SMYD3: variants seen among roughly 807,000 people sequenced by gnomAD.
The protein encoded by SMYD3 is SET and MYND domain containing 3.
In SMYD3, 36 loss-of-function variants were observed where a neutral mutation model predicts 57.7. That is an observed-to-expected ratio of 0.62 (90% confidence interval 0.48 to 0.82). The LOEUF is 0.82. Ranked by LOEUF, SMYD3 falls within the 40% of genes least tolerant of loss-of-function variation. The pLI, the probability that SMYD3 is intolerant of heterozygous loss-of-function variation, is 0.00. For synonymous variants in SMYD3, 211 were observed against 195.0 expected, an observed-to-expected ratio of 1.08 and a Z score of -0.68; for missense variants, 515 against 538.8, an observed-to-expected ratio of 0.96 and a Z score of 0.44.
At chr1:245,994,891 C>T (rs1377530945) in intron 5 of SMYD3, among the ~76,000 whole-genome samples, 2 of 151,916 alleles carry the variant, frequency 1.3e-5, no homozygotes, top group Non-Finnish European at 2.9e-5. Flanking sequence ...CTTTGGGAGG[C>T]CGAGGTGGGT....
chr1:245,844,904 A>G (rs1168713244), intron 10 of SMYD3, among the ~76,000 whole-genome samples: 1 of 152,212 alleles, frequency 6.6e-6, no homozygotes, highest in East Asian at 1.9e-4. Flanking sequence ...TTATATTAAG[A>G]AAGAATGCAG....
chr1:245,963,151 C>G (rs1359331751), intron 5 of SMYD3, among the ~76,000 whole-genome samples: 3 of 152,096 alleles, frequency 2.0e-5, no homozygotes, highest in Admixed American at 6.5e-5. Context: ...AAAAATCAAC[C>G]ATTCTTCTTA....
At chr1:246,250,274 T>C (rs2063779160) in intron 5 of SMYD3, among the ~76,000 whole-genome samples, 1 of 152,196 alleles carries the variant, frequency 6.6e-6, no homozygotes, top group Non-Finnish European at 1.5e-5. Context: ...CAATTGTTGC[T>C]TGACAAACTC....
intron 1 of SMYD3, among the ~76,000 whole-genome samples, chr1:246,499,460 G>A (rs2068423855): frequency 6.6e-6 from 1 of 151,282 alleles, no homozygotes; most frequent in South Asian, 2.1e-4. Flanking sequence ...TTTTGTTGTT[G>A]TTGGGTATTT....
chr1:246,449,729 A>T (rs941971690), intron 1 of SMYD3, among the ~76,000 whole-genome samples: 1 of 134,010 alleles, frequency 7.5e-6, no homozygotes, highest in Non-Finnish European at 1.6e-5. Flanking sequence ...TAAACACAAA[A>T]GGACACCGTG....
At chr1:246,436,862 A>G (rs908041207) in intron 1 of SMYD3, among the ~76,000 whole-genome samples, 1 of 150,948 alleles carries the variant, frequency 6.6e-6, no homozygotes. Flanking sequence ...AGAAGGGAAA[A>G]GGACGATAGG....
chr1:246,253,328 T>C (rs186181383), intron 5 of SMYD3, among the ~76,000 whole-genome samples: 1 of 152,288 alleles, frequency 6.6e-6, no homozygotes. Context: ...TGTCCATGAG[T>C]ACCCAATGTT....
intron 8 of SMYD3, among the ~76,000 whole-genome samples, chr1:245,912,798 T>G (rs1198792452): frequency 1.3e-5 from 2 of 152,090 alleles, no homozygotes; most frequent in African/African-American, 4.8e-5. Context: ...AAAGTGGATA[T>G]CCACGTGCAG....
intron 1 of SMYD3, among the ~76,000 whole-genome samples, chr1:246,456,650 T>C (rs1020286797): frequency 3.9e-5 from 6 of 152,232 alleles, no homozygotes; most frequent in Non-Finnish European, 8.8e-5. Context: ...ACTTATATTT[T>C]CCCCATAAGA....
At chr1:246,436,376 T>TA (rs2067373628) in intron 1 of SMYD3, among the ~76,000 whole-genome samples, 1 of 152,164 alleles carries the variant, frequency 6.6e-6, no homozygotes, top group Non-Finnish European at 1.5e-5. Context: ...GGCAGCAGTT[T>TA]AAAAGGGGGG....
At chr1:246,059,033 C>A (rs1006289353) in intron 5 of SMYD3, among the ~76,000 whole-genome samples, 2 of 152,110 alleles carry the variant, frequency 1.3e-5, no homozygotes. Context: ...CGCCACCATG[C>A]CCGGCTAAAT....
chr1:245,819,368 C>T (rs1434934880), intron 10 of SMYD3, among the ~76,000 whole-genome samples: 1 of 108,960 alleles, frequency 9.2e-6, no homozygotes, highest in Non-Finnish European at 2.0e-5. Context: ...CACAACATAC[C>T]AGAATCTCTG....
chr1:246,323,512 C>A (rs765449864), intron 5 of SMYD3, among the ~76,000 whole-genome samples: 22 of 150,024 alleles, frequency 1.5e-4, no homozygotes, highest in Non-Finnish European at 2.9e-4. Context: ...ACTTTTCAGG[C>A]AATAATCATG....
chr1:246,112,218 A>G (rs2147987874), intron 5 of SMYD3, among the ~76,000 whole-genome samples: 1 of 152,326 alleles, frequency 6.6e-6, no homozygotes, highest in South Asian at 2.1e-4. Context: ...ATCTATACTT[A>G]TGAGCTAATT....
intron 10 of SMYD3, among the ~76,000 whole-genome samples, chr1:245,770,748 T>G (rs1450909124): frequency 6.6e-6 from 1 of 152,152 alleles, no homozygotes; most frequent in Non-Finnish European, 1.5e-5. Flanking sequence ...ATAAATATGT[T>G]TGAGAACTTA....
At chr1:246,045,863 C>T (rs2059955073) in intron 5 of SMYD3, among the ~76,000 whole-genome samples, 1 of 152,188 alleles carries the variant, frequency 6.6e-6, no homozygotes, top group Admixed American at 6.5e-5. Flanking sequence ...AGCCAACAGA[C>T]ACATGAAAAA....
At chr1:246,330,027 T>C (rs997871) in intron 4 of SMYD3, among the ~76,000 whole-genome samples, 23,300 of 152,132 alleles carry the variant, frequency 0.15, 2,257 homozygotes, top group East Asian at 0.43. Flanking sequence ...AGAAGAATGA[T>C]GCTTCACACT....
intron 11 of SMYD3, among the ~76,000 whole-genome samples, chr1:245,753,683 A>G (rs1264803328): frequency 1.3e-5 from 2 of 152,172 alleles, no homozygotes; most frequent in African/African-American, 4.8e-5. Flanking sequence ...CCCTGGGCAC[A>G]GCCCTTCAGT....
chr1:246,125,081 A>ACACACACACACACAC (rs1263823647), intron 5 of SMYD3, among the ~76,000 whole-genome samples: 27 of 109,530 alleles, frequency 2.5e-4, no homozygotes, highest in Admixed American at 4.7e-4. Flanking sequence ...CAAAAAAAAA[A>ACACACACACACACAC]AAAAAAACAC....
Sources: gnomAD v4.1 joint callset for allele counts (sites outside exome capture counted in the v4.1 genomes callset) on GRCh38, gnomAD v4.1.1 for gene constraint, MANE v1.5 for transcripts, NCBI Gene and HGNC (gene_info 2026-07-23, HGNC 2026-07-21) for gene names.